The following DDX56 variants were observed in gnomAD, a reference collection of about 807,000 sequenced individuals.
The protein encoded by DDX56 is probable ATP-dependent RNA helicase DDX56.
A neutral mutation model predicts 61.5 loss-of-function variants in DDX56; 45 were observed. The ratio of observed to expected loss-of-function variants is 0.73; its 90% CI spans 0.58 to 0.94. The LOEUF is 0.94. Among genes scored for constraint, DDX56 ranks in the 40% least tolerant of loss-of-function variants. The pLI, the probability that DDX56 is intolerant of heterozygous loss-of-function variation, is 0.00. For missense variants in DDX56, 708 were observed against 690.7 expected, an observed-to-expected ratio of 1.02 and a Z score of -0.28; for synonymous variants, 273 against 268.3, an observed-to-expected ratio of 1.02 and a Z score of -0.17.
intron 4 of DDX56, 27 bp from the exon 5 acceptor site, chr7:44,572,464 C>G: frequency 6.2e-7 from 1 of 1,613,686 alleles, no homozygotes; most frequent in South Asian, 1.1e-5. Context: ...CAATCAGATT[C>G]CAGCTCCAAG....
intron 2 of DDX56, 82 bp downstream of exon 2, chr7:44,573,501 A>G (rs1802734470): frequency 6.5e-7 from 1 of 1,548,536 alleles, no homozygotes; most frequent in Non-Finnish European, 8.8e-7. Context: ...GGGCCAAGAG[A>G]AAACCTCAGA....
intron 12 of DDX56, among the ~76,000 whole-genome samples, chr7:44,567,202 T>G: frequency 6.6e-6 from 1 of 151,608 alleles, no homozygotes; most frequent in Non-Finnish European, 1.5e-5. Flanking sequence ...TCTCTGGCAT[T>G]TTCATGTTCC....
In DDX56 at chr7:44,572,334, T is replaced by C. The variant is rs41279642; in HGVS notation, c.645+13A>G. 2,669 of 1,609,830 alleles carry C rather than the reference T, an allele frequency of 1.7e-3. 3 individuals are homozygous for C. The highest frequency in any genetic ancestry group is 2.1e-3 in the Non-Finnish European group (2,443 of 1,176,354). Reference sequence around the variant, plus strand: ...ATGTCTGCAGCTCCAGACACTTCCATGGTGCCTCTTACCGGGTTATGTAAT... The same window carrying C: ...ATGTCTGCAGCTCCAGACACTTCCACGGTGCCTCTTACCGGGTTATGTAAT... On this transcript the variant is annotated intron_variant, in intron 5 of 13. Coordinates refer to ENST00000258772, the MANE Select transcript of DDX56 (RefSeq NM_019082.4).
intron 12 of DDX56, among the ~76,000 whole-genome samples, chr7:44,567,080 C>T (rs1331145405): frequency 6.6e-6 from 1 of 152,120 alleles, no homozygotes; most frequent in Non-Finnish European, 1.5e-5. Flanking sequence ...TCTAGCCTTA[C>T]CTTCTCCCTC....
In DDX56 at chr7:44,571,657, T is replaced by C; in HGVS notation, c.725A>G (p.Glu242Gly). Reference sequence around the variant, plus strand: ...GGCATACAGCAGGAGGAATTTGTCTTCCTCAGTCTCACAGACCACCTGAAA... The same window carrying C: ...GGCATACAGCAGGAGGAATTTGTCTCCCTCAGTCTCACAGACCACCTGAAA... ...QQFQVVCETE[E>G]DKFLLLYALL... The change falls in exon 6 of 14, where the codon GAA becomes GGA. Residue 242 changes from glutamate (E) to glycine (G), a missense_variant. Transcript: ENST00000258772. 1.2e-6 allele frequency: 2 copies of C among 1,614,172 alleles called. No individual in the cohort carries two copies. Among genetic ancestry groups the C allele is most frequent in the Middle Eastern group, 1.6e-4 (1 of 6,062 alleles).
Position 44,571,764 on chromosome 7 carries a change from G to A in DDX56, c.646-28C>T, listed in dbSNP as rs1302264369. 5 of 1,611,524 alleles carry A rather than the reference G, an allele frequency of 3.1e-6. No homozygotes were observed. In the South Asian group the frequency reaches 5.5e-5, roughly 18 times the overall value. ...GGGGGAGAAAACAGGCCTGTGGTCA[G>A]AAAGGAAAAGAACACAGAGATGTAT... On this transcript the variant is annotated intron_variant, in intron 5 of 13. Transcript: ENST00000258772.
chr7:44,569,242 G>A, intron 9 of DDX56, 39 bp from the exon 10 acceptor site: 1 of 1,592,012 alleles, frequency 6.3e-7, no homozygotes, highest in Non-Finnish European at 8.6e-7. Context: ...ACAGGCTGAG[G>A]CCTTAGGATA....
chr7:44,573,157 C>T, intron 2 of DDX56, 107 bp from the exon 3 acceptor site: 1 of 984,616 alleles, frequency 1.0e-6, no homozygotes, highest in Non-Finnish European at 1.5e-6. Flanking sequence ...CACTACTTAG[C>T]AGTACTTTGA....
At chr7:44,566,132 C>CGGGGGGGGGGGGGGGG in intron 13 of DDX56, 53 bp from the exon 14 acceptor site, 5 of 1,036,510 alleles carry the variant, frequency 4.8e-6, no homozygotes, top group East Asian at 2.7e-5. Flanking sequence ...ACAGACAATC[C>CGGGGGGGGGGGGGGGG]ACCCACCCAC....
Position 44,570,958 on chromosome 7 carries a change from A to T in DDX56, c.891-81T>A, listed in dbSNP as rs151304168. 2.8e-3 allele frequency: 4,154 copies of T among 1,496,004 alleles called. 10 individuals are homozygous for T. The highest frequency in any genetic ancestry group is 4.0e-3 in the Admixed American group (187 of 46,624). The allele number at this position is 1,496,004 out of a possible 1,614,324, so 92.7% of individuals were successfully genotyped here. A position where few individuals can be genotyped will look rare whatever the true frequency, so the allele number is the denominator to read the frequency against. On this transcript the variant is annotated intron_variant, in intron 6 of 13. Transcript: ENST00000258772. ...TGCCATCCCTAGTATCACAGTAACCATCACCCTTTCCTTTTTCCTCTTCTT... is the reference window on the plus strand; with the variant it reads ...TGCCATCCCTAGTATCACAGTAACCTTCACCCTTTCCTTTTTCCTCTTCTT...
rs190200456 is a variant in DDX56 at position 44,570,719 on chromosome 7, C to T, written c.1010+39G>A. 2.3e-4 allele frequency: 367 copies of T among 1,577,324 alleles called. 1 individual carries two copies. The African/African-American group carries it at 4.3e-3, about 19-fold the overall frequency. On this transcript the variant is annotated intron_variant, in intron 7 of 13. Coordinates refer to ENST00000258772, the MANE Select transcript of DDX56 (RefSeq NM_019082.4). The stretch of plus-strand genomic sequence containing the variant: ...TCTTCCAAAAAGCTAAAAACACAGG[C>T]ATTTCTGGGGAGGGATGGAAAAAGA...
Position 44,565,940 on chromosome 7 carries a change from G to A in DDX56, c.*62C>T, listed in dbSNP as rs947076264. On this transcript the variant is annotated 3_prime_UTR_variant, in exon 14 of 14. Transcript: ENST00000258772. ...TGCAGTAAGCACCAGAGCCTCGCCT[G>A]TCCACGAAGGGTGTAAGCCTGTGCT... The A allele has an allele frequency of 2.3e-5, 30 of 1,327,398 alleles. No homozygotes were observed. The East Asian group carries it at 3.2e-4, about 14-fold the overall frequency. 82.2% of individuals were successfully genotyped at this position (1,327,398 alleles called of 1,614,324 possible). A position where few individuals can be genotyped will look rare whatever the true frequency, so the allele number is the denominator to read the frequency against.
intron 4 of DDX56, 29 bp downstream of exon 4, chr7:44,572,545 A>G: frequency 6.2e-7 from 1 of 1,613,526 alleles, no homozygotes. Flanking sequence ...AGATGTTTCC[A>G]CTAGGAATCA....
At position 44,568,184 on chromosome 7, in the gene DDX56, G is replaced by A. The variant is rs577399467; in HGVS notation, c.1423C>T (p.Arg475Trp). ...EDNPRDLQLLRHDLPLHPAVV... is the reference protein window; with the variant it reads ...EDNPRDLQLLWHDLPLHPAVV... The stretch of plus-strand genomic sequence containing the variant: ...GCGGGGTGCAAAGGTAGGTCATGCC[G>A]CAGCAGCTGGAGGTCCCTAGGGTTG... The change falls in exon 12 of 14, where the codon CGG becomes TGG. Residue 475 changes from arginine (R) to tryptophan (W), a missense_variant. Physicochemically the swap from Arg to Trp is moderately radical, Grantham distance 101. Transcript: ENST00000258772. 5.5e-5 allele frequency: 89 copies of A among 1,613,710 alleles called. No individual in the cohort carries two copies. Among genetic ancestry groups the A allele is most frequent in the Non-Finnish European group, 7.3e-5 (86 of 1,179,830 alleles).
At chr7:44,570,905 G>C (rs1802653305) in intron 6 of DDX56, 28 bp from the exon 7 acceptor site, 1 of 1,597,710 alleles carries the variant, frequency 6.3e-7, no homozygotes, top group Non-Finnish European at 8.6e-7. Flanking sequence ...CAGAGAATCA[G>C]CTCAGCAGAG....
chr7:44,573,148 AC>A (rs1287050613), intron 2 of DDX56, 98 bp from the exon 3 acceptor site: 1 of 1,092,066 alleles, frequency 9.2e-7, no homozygotes, highest in African/African-American at 1.6e-5. Context: ...CTGCTGCAAC[AC>A]TACTTAGCAG....
Position 44,573,712 on chromosome 7 carries a change from C to A in DDX56, c.93G>T (p.Thr31=), listed in dbSNP as rs375988504. The A allele has an allele frequency of 6.2e-6, 10 of 1,613,512 alleles. No individual in the cohort carries two copies. Among genetic ancestry groups the A allele is most frequent in the African/African-American group, 1.3e-5 (1 of 74,932 alleles). Residue 31 remains threonine, a synonymous_variant, in exon 2 of 14, where the codon ACG becomes ACT. Coordinates refer to ENST00000258772, the MANE Select transcript of DDX56 (RefSeq NM_019082.4). ...GTGGGATGGCCTTCTCCTGGATCAG[C>A]GTAGGTCGCGACCAGCCCAGATCGG... The part of the protein sequence containing the change: ...AVTDLGWSRP[T]LIQEKAIPLA...
chr7:44,569,002 G>T lies in DDX56; in HGVS notation c.1294-10C>A, dbSNP rs761593945. ...CTGAGCGCATGGCATCCTGGGGGTG[G>T]ACACTGAAGGTCAAGACAGTGAGGC... On this transcript the variant is annotated splice_polypyrimidine_tract_variant and intron_variant, in intron 10 of 13. Transcript: ENST00000258772. 1 of 1,613,912 alleles carries T rather than the reference G, an allele frequency of 6.2e-7. No homozygotes were observed. Among genetic ancestry groups the T allele is most frequent in the Non-Finnish European group, 8.5e-7 (1 of 1,179,932 alleles).
At position 44,573,714 on chromosome 7, in the gene DDX56, T is replaced by C. The variant is rs1362870313; in HGVS notation, c.91A>G (p.Thr31Ala). The change falls in exon 2 of 14, where the codon ACG (threonine) becomes GCG (alanine). Residue 31 changes from threonine (T) to alanine (A), a missense_variant. By Grantham distance (58) the Thr-to-Ala change is moderately conservative (BLOSUM62 0). Coordinates refer to ENST00000258772, the MANE Select transcript of DDX56 (RefSeq NM_019082.4). The stretch of plus-strand genomic sequence containing the variant: ...GGGATGGCCTTCTCCTGGATCAGCG[T>C]AGGTCGCGACCAGCCCAGATCGGTG... Reference protein sequence around the residue: ...AVTDLGWSRPTLIQEKAIPLA... With the variant: ...AVTDLGWSRPALIQEKAIPLA... 1 of 1,613,628 alleles carries C rather than the reference T, an allele frequency of 6.2e-7. No homozygotes were observed. The highest frequency in any genetic ancestry group is 2.2e-5 in the East Asian group (1 of 44,862).
Sources: allele counts gnomAD v4.1 joint callset (sites outside exome capture counted in the v4.1 genomes callset), GRCh38; gene constraint gnomAD v4.1.1; transcripts MANE v1.5; gene names NCBI Gene and HGNC (gene_info 2026-07-23, HGNC 2026-07-21).